Variants in IQCM observed in about 807,000 individuals in gnomAD.
IQCM encodes the protein IQ domain-containing protein M.
IQCM carries 45 observed loss-of-function variants against 57.6 expected under a neutral mutation model. That is an observed-to-expected ratio of 0.78 (90% CI 0.62 to 1.00). The LOEUF (loss-of-function observed/expected upper bound fraction) is 1.00, where lower values mean the gene tolerates loss of function less well. IQCM is among the 50% of genes least tolerant of loss of function. The pLI, the probability that IQCM is intolerant of heterozygous loss-of-function variation, is 0.00. For missense variants in IQCM, 468 were observed against 511.6 expected (o/e 0.91, Z 0.82); for synonymous variants, 148 against 158.9 (o/e 0.93, Z 0.51).
chr4:149,709,054 A>C (rs763522105), intron 5 of IQCM, among the ~76,000 whole-genome samples: 1 of 152,094 alleles, frequency 6.6e-6, no homozygotes, highest in Non-Finnish European at 1.5e-5. Flanking sequence ...ACTTCCCAGT[A>C]TATCTGATGA....
intron 5 of IQCM, among the ~76,000 whole-genome samples, chr4:149,705,966 C>G (rs1460724950): frequency 6.6e-6 from 1 of 151,758 alleles, no homozygotes; most frequent in African/African-American, 2.4e-5. Context: ...TGGTAATATA[C>G]AGTACTCAAT....
chr4:149,504,917 C>T (rs76739334), intron 12 of IQCM, among the ~76,000 whole-genome samples: 2,407 of 151,598 alleles, frequency 0.016, 77 homozygotes, highest in African/African-American at 0.056. Flanking sequence ...AGAGAGAGAC[C>T]CTGGGAGGGC....
chr4:149,534,799 A>G (rs571187013), intron 12 of IQCM, among the ~76,000 whole-genome samples: 1 of 152,236 alleles, frequency 6.6e-6, no homozygotes, highest in East Asian at 1.9e-4. Context: ...TTGGAAATCA[A>G]AATACCAAAA....
intron 7 of IQCM, among the ~76,000 whole-genome samples, chr4:149,639,531 T>G (rs1758009875): frequency 6.6e-6 from 1 of 152,150 alleles, no homozygotes; most frequent in Admixed American, 6.5e-5. Flanking sequence ...AAGCAATTTA[T>G]ATTATTCATG....
At chr4:149,739,471 T>TC (rs1767249617) in intron 3 of IQCM, among the ~76,000 whole-genome samples, 2 of 148,398 alleles carry the variant, frequency 1.3e-5, no homozygotes, top group African/African-American at 5.2e-5. Flanking sequence ...TATATAATTT[T>TC]TTTTTTTTTT....
At chr4:149,437,665 T>A (rs1579054626) in intron 12 of IQCM, among the ~76,000 whole-genome samples, 1 of 151,966 alleles carries the variant, frequency 6.6e-6, no homozygotes, top group South Asian at 2.1e-4. Context: ...GGCTCCAGGG[T>A]TGTACTTCAA....
chr4:149,521,884 G>A (rs1745682365), intron 12 of IQCM, among the ~76,000 whole-genome samples: 1 of 152,154 alleles, frequency 6.6e-6, no homozygotes, highest in Non-Finnish European at 1.5e-5. Flanking sequence ...CGGGGCTCAG[G>A]CCAGGGCTCA....
chr4:149,710,350 G>A (rs1057235441), intron 5 of IQCM, among the ~76,000 whole-genome samples: 4 of 152,076 alleles, frequency 2.6e-5, no homozygotes, highest in African/African-American at 7.2e-5. Flanking sequence ...TAAATGTATA[G>A]TGTCTATTCA....
chr4:149,740,877 T>C (rs1028314260), intron 3 of IQCM, among the ~76,000 whole-genome samples: 3 of 151,860 alleles, frequency 2.0e-5, no homozygotes, highest in Admixed American at 1.3e-4. Flanking sequence ...TGCCAAGAAG[T>C]GGAGAGAAGC....
intron 5 of IQCM, among the ~76,000 whole-genome samples, chr4:149,727,706 G>T (rs1334775618): frequency 1.3e-5 from 2 of 152,136 alleles, no homozygotes; most frequent in African/African-American, 4.8e-5. Flanking sequence ...TTATGTGTCA[G>T]CTGAAGCTGG....
At chr4:149,582,974 C>T (rs1001334279) in intron 9 of IQCM, among the ~76,000 whole-genome samples, 3 of 151,360 alleles carry the variant, frequency 2.0e-5, no homozygotes, top group Non-Finnish European at 4.4e-5. Context: ...AAAAGGGAAA[C>T]ATTCAAGAAC....
chr4:149,361,767 A>T (rs1729507732), intron 13 of IQCM, among the ~76,000 whole-genome samples: 3 of 152,204 alleles, frequency 2.0e-5, no homozygotes, highest in Admixed American at 2.0e-4. Flanking sequence ...CTCTGCAAGG[A>T]CAGTGCAGAA....
intron 7 of IQCM, among the ~76,000 whole-genome samples, chr4:149,672,078 T>A (rs1002215177): frequency 2.6e-5 from 4 of 151,984 alleles, no homozygotes; most frequent in African/African-American, 9.7e-5. Flanking sequence ...GAAGGAAAAC[T>A]AACAAACAGA....
At chr4:149,573,975 A>T (rs915031601) in intron 9 of IQCM, among the ~76,000 whole-genome samples, 1 of 151,932 alleles carries the variant, frequency 6.6e-6, no homozygotes, top group African/African-American at 2.4e-5. Context: ...AGTTAGGATG[A>T]CTTGGGTAAC....
At chr4:149,549,323 G>T (rs1287053199) in intron 11 of IQCM, among the ~76,000 whole-genome samples, 2 of 151,952 alleles carry the variant, frequency 1.3e-5, no homozygotes, top group Non-Finnish European at 2.9e-5. Flanking sequence ...AGACCATCCC[G>T]GCTAAAACGG....
At chr4:149,763,142 C>CTCA (rs1349319316) in intron 2 of IQCM, among the ~76,000 whole-genome samples, 1 of 151,840 alleles carries the variant, frequency 6.6e-6, no homozygotes, top group South Asian at 2.1e-4. Context: ...TTGTACGGAA[C>CTCA]TCATCATCAT....
chr4:149,480,096 A>G (rs754726723), intron 12 of IQCM, among the ~76,000 whole-genome samples: 3 of 152,192 alleles, frequency 2.0e-5, no homozygotes, highest in Non-Finnish European at 2.9e-5. Flanking sequence ...CATCATAAGC[A>G]TTGTTAATTA....
At chr4:149,361,743 C>A (rs978381797) in intron 13 of IQCM, among the ~76,000 whole-genome samples, 1 of 152,136 alleles carries the variant, frequency 6.6e-6, no homozygotes, top group Non-Finnish European at 1.5e-5. Flanking sequence ...AGGGGTGGGG[C>A]CCTCACGGAG....
chr4:149,411,545 T>C (rs537476863), intron 13 of IQCM, among the ~76,000 whole-genome samples: 34 of 151,976 alleles, frequency 2.2e-4, no homozygotes, highest in Non-Finnish European at 4.4e-4. Context: ...TTCAACTATA[T>C]AGAAAAATAA....
Sources: gnomAD v4.1 joint callset for allele counts (sites outside exome capture counted in the v4.1 genomes callset) on GRCh38, gnomAD v4.1.1 for gene constraint, MANE v1.5 for transcripts, NCBI Gene and HGNC (gene_info 2026-07-23, HGNC 2026-07-21) for gene names.